The following NPAS3 variants were observed in gnomAD, a reference collection of about 807,000 sequenced individuals.
NPAS3 encodes the protein neuronal PAS domain protein 3.
Under a neutral mutation model 73.1 loss-of-function variants are expected in NPAS3, and 14 were observed. That is an observed-to-expected ratio of 0.19 (90% CI 0.13 to 0.30). The LOEUF is 0.30. Among genes scored for constraint, NPAS3 ranks in the 10% least tolerant of loss-of-function variants. NPAS3 has a pLI of 1.00. For synonymous variants in NPAS3, 620 were observed against 541.5 expected (o/e 1.14, Z -2.01); for missense variants, 1,096 against 1,250.0 (o/e 0.88, Z 1.86).
intron 3 of NPAS3, among the ~76,000 whole-genome samples, chr14:33,328,603 G>T (rs1209856272): frequency 4.0e-5 from 6 of 150,706 alleles, no homozygotes; most frequent in African/African-American, 1.5e-4. Context: ...GATTACAGGC[G>T]CCCGCCACCA....
chr14:33,030,091 G>C (rs946937497), intron 1 of NPAS3, among the ~76,000 whole-genome samples: 3 of 152,330 alleles, frequency 2.0e-5, no homozygotes, highest in African/African-American at 7.2e-5. Context: ...TTGTCTGGCT[G>C]TTGAGGAAAG....
intron 6 of NPAS3, among the ~76,000 whole-genome samples, chr14:33,721,618 G>A (rs971800014): frequency 6.6e-6 from 1 of 152,096 alleles, no homozygotes; most frequent in Non-Finnish European, 1.5e-5. Flanking sequence ...ATTTTAAAGG[G>A]AAGAAAAGTG....
intron 2 of NPAS3, among the ~76,000 whole-genome samples, chr14:33,158,536 T>C (rs1252959811): frequency 1.3e-5 from 2 of 151,976 alleles, no homozygotes; most frequent in Admixed American, 1.3e-4. Context: ...GGCAGAAGTA[T>C]TAAAAAACAA....
intron 2 of NPAS3, among the ~76,000 whole-genome samples, chr14:33,070,103 T>G (rs2041431737): frequency 6.6e-6 from 1 of 152,136 alleles, no homozygotes. Context: ...TGTATTAAAA[T>G]GAGAAAAATA....
intron 6 of NPAS3, among the ~76,000 whole-genome samples, chr14:33,677,957 G>A (rs570300639): frequency 1.3e-5 from 2 of 152,204 alleles, no homozygotes; most frequent in East Asian, 1.9e-4. Context: ...ACATGCAAAC[G>A]GTTTTCTACT....
rs1219978762 is a variant in NPAS3 at position 33,683,127 on chromosome 14, TAATA to T, written c.733+6743_733+6746del. On this transcript the variant is annotated intron_variant, in intron 6 of 11. Coordinates refer to ENST00000356141, the Ensembl canonical transcript of NPAS3. ...AAAAAAATACAGCTTTTATATAAAT[TAATA>T]CAGTGATATTTGCAGGGTAGCAAAT... is the stretch of plus-strand genomic sequence containing the variant. 2.6e-5 allele frequency among the ~76,000 whole-genome samples: 4 copies of T among 152,280 alleles called. No homozygotes were observed. In the East Asian group the frequency reaches 7.7e-4, roughly 29 times the overall value.
intron 1 of NPAS3, among the ~76,000 whole-genome samples, chr14:32,984,706 A>T (rs1358629626): frequency 6.6e-6 from 1 of 152,340 alleles, no homozygotes; most frequent in African/African-American, 2.4e-5. Context: ...CCTTAAAAAA[A>T]CACAGTGGAA....
chr14:33,781,922 A>C (rs2062990572), intron 9 of NPAS3, among the ~76,000 whole-genome samples: 1 of 152,226 alleles, frequency 6.6e-6, no homozygotes, highest in African/African-American at 2.4e-5. Context: ...AACTCTGATA[A>C]ATTGAACCAA....
At chr14:33,746,198 TA>T (rs761721580) in intron 7 of NPAS3, among the ~76,000 whole-genome samples, 10 of 151,122 alleles carry the variant, frequency 6.6e-5, no homozygotes, top group Non-Finnish European at 1.3e-4. Context: ...TTTATTTATT[TA>T]TTTTTTTGAG....
At chr14:32,960,721 G>C (rs1299752455) in intron 1 of NPAS3, among the ~76,000 whole-genome samples, 1 of 152,092 alleles carries the variant, frequency 6.6e-6, no homozygotes, top group Non-Finnish European at 1.5e-5. Flanking sequence ...TTTATTCATA[G>C]TGCATATATA....
At chr14:33,692,310 G>A (rs1030280665) in intron 6 of NPAS3, among the ~76,000 whole-genome samples, 1 of 152,136 alleles carries the variant, frequency 6.6e-6, no homozygotes, top group Non-Finnish European at 1.5e-5. Context: ...GGGTCTTGAT[G>A]TGCCAGGTGA....
At chr14:33,331,459 C>T (rs868536222) in intron 3 of NPAS3, among the ~76,000 whole-genome samples, 1 of 152,164 alleles carries the variant, frequency 6.6e-6, no homozygotes, top group African/African-American at 2.4e-5. Context: ...GACCATTGGA[C>T]TATGAGAACA....
At chr14:33,147,675 T>A (rs1329402805) in intron 2 of NPAS3, among the ~76,000 whole-genome samples, 2 of 148,754 alleles carry the variant, frequency 1.3e-5, no homozygotes, top group Non-Finnish European at 3.0e-5. Flanking sequence ...TGTATACATA[T>A]GTAACAAACC....
At chr14:33,025,987 G>T (rs75998473) in intron 1 of NPAS3, among the ~76,000 whole-genome samples, 2,042 of 152,266 alleles carry the variant, frequency 0.013, 41 homozygotes, top group African/African-American at 0.046. Flanking sequence ...AGAGATATTT[G>T]TAATTTGATT....
At position 33,239,488 on chromosome 14, in the gene NPAS3, C is replaced by T. The variant is rs181801773; in HGVS notation, c.385+24062C>T. Among the ~76,000 whole-genome samples the T allele has an allele frequency of 6.6e-5, 10 of 151,942 alleles. No individual in the cohort carries two copies. In the East Asian group the frequency reaches 1.9e-3, roughly 29 times the overall value. ...TTCATTGTCATTTGACTCATTAAGGCAACTCACAGTGGCCTGTGGGGTACT... is the reference window on the plus strand; with the variant it reads ...TTCATTGTCATTTGACTCATTAAGGTAACTCACAGTGGCCTGTGGGGTACT... On this transcript the variant is annotated intron_variant, in intron 3 of 11. Transcript: ENST00000356141.
At chr14:33,311,309 A>G (rs2042993720) in intron 3 of NPAS3, among the ~76,000 whole-genome samples, 2 of 152,134 alleles carry the variant, frequency 1.3e-5, no homozygotes, top group African/African-American at 4.8e-5. Flanking sequence ...TTGTATATTG[A>G]TTGACCATGG....
At chr14:33,028,870 G>A (rs1566482526) in intron 1 of NPAS3, among the ~76,000 whole-genome samples, 2 of 152,074 alleles carry the variant, frequency 1.3e-5, no homozygotes, top group East Asian at 3.9e-4. Flanking sequence ...AGGATGCGCA[G>A]GTTTGTTACA....
chr14:33,460,212 A>G (rs2050199678), intron 4 of NPAS3, among the ~76,000 whole-genome samples: 2 of 152,126 alleles, frequency 1.3e-5, no homozygotes, highest in Non-Finnish European at 2.9e-5. Flanking sequence ...TGCCCTCAGG[A>G]CTCCAAGTCT....
In NPAS3 at chr14:33,573,492, C is replaced by T. The variant is rs142163424; in HGVS notation, c.558+13282C>T. Among the ~76,000 whole-genome samples the T allele has an allele frequency of 1.4e-4, 22 of 152,274 alleles. No individual in the cohort carries two copies. The East Asian group carries it at 4.2e-3, about 29-fold the overall frequency. ...ATAGAATGTGGATGACTAACTCTAC[C>T]TGGAGAAGTTTGCAAAGAATTTACT... On this transcript the variant is annotated intron_variant, in intron 5 of 11. Transcript: ENST00000356141.
Sources: allele counts gnomAD v4.1 joint callset (sites outside exome capture counted in the v4.1 genomes callset), GRCh38; gene constraint gnomAD v4.1.1; transcripts MANE v1.5; gene names NCBI Gene and HGNC (gene_info 2026-07-23, HGNC 2026-07-21).